The following KLF4 variants were observed in gnomAD, a reference collection of about 807,000 sequenced individuals.
KLF4 encodes KLF transcription factor 4.
Under a neutral mutation model 38.0 loss-of-function variants are expected in KLF4, and 14 were observed. That is an observed-to-expected ratio of 0.37 (90% CI 0.24 to 0.58). KLF4 has a LOEUF of 0.58. Among genes scored for constraint, KLF4 ranks in the 20% least tolerant of loss-of-function variants. KLF4 has a pLI of 0.76. For missense variants in KLF4, 737 were observed against 670.1 expected (o/e 1.10, Z -1.10); for synonymous variants, 398 against 302.5 (o/e 1.32, Z -3.28).
rs115734249 is a variant in KLF4, at chr9:107,485,787, C to T, written c.1404G>A (p.Ser468=). The change falls in exon 5 of 5, where the codon TCG becomes TCA. Residue 468 remains serine (S), a synonymous_variant. Transcript: ENST00000374672. This position sits in a 1 kb window ranked among gnomAD's most constrained non-coding sequence, Gnocchi z 4.9. ...TCTTCATGTGTAAGGCGAGGTGGTC[C>T]GACCTGGAAAATGCTCGGTCGCATT... The part of the protein sequence containing the change: ...CQKCDRAFSR[S]DHLALHMKRH... The T allele has an allele frequency of 4.1e-4, 654 of 1,581,724 alleles. 3 individuals are homozygous for T. The African/African-American group carries it at 7.6e-3, about 18-fold the overall frequency.
Position 107,488,004 on chromosome 9 carries a change from G to A in KLF4, c.390C>T (p.Ala130=). The A allele has an allele frequency of 6.2e-7, 1 of 1,603,364 alleles. No individual in the cohort carries two copies. ...TGCTCGACGGCGACGACGAAGAGGA[G>A]GCTGACGCTGACGAGGACACGGTGG... ...VAATVSSSAS[A]SSSSSPSSSG... The change falls in exon 3 of 5, where the codon GCC becomes GCT. Residue 130 remains alanine (A), a synonymous_variant. Transcript: ENST00000374672. This position sits in a 1 kb window ranked among gnomAD's most constrained non-coding sequence, Gnocchi z 5.7.
Position 107,487,691 on chromosome 9 carries a change from G to A in KLF4, c.703C>T (p.Leu235=). 1 of 1,606,044 alleles carries A rather than the reference G, an allele frequency of 6.2e-7. No individual in the cohort carries two copies. The highest frequency in any genetic ancestry group is 8.5e-7 in the Non-Finnish European group (1 of 1,178,402). Residue 235 remains leucine, a synonymous_variant, in exon 3 of 5, where the codon CTG becomes TTG. Transcript: ENST00000374672. This position sits in a 1 kb window ranked among gnomAD's most constrained non-coding sequence, Gnocchi z 6.1. ...LMGKFVLKAS[L]SAPGSEYGSP... ...CCGTACTCGCTGCCAGGGGCGCTCA[G>A]CGACGCCTTCAGCACGAACTTGCCC...
Position 107,488,209 on chromosome 9 carries a change from G to A in KLF4, c.185C>T (p.Pro62Leu). The A allele has an allele frequency of 6.2e-7, 1 of 1,611,714 alleles. No homozygotes were observed. The highest frequency in any genetic ancestry group is 8.5e-7 in the Non-Finnish European group (1 of 1,179,486). ...CACGGTCGCCGCCGCCAGGTCATAGGGGCGGCCGGGAAGCACTGGGGGAAG... is the reference window on the plus strand; with the variant it reads ...CACGGTCGCCGCCGCCAGGTCATAGAGGCGGCCGGGAAGCACTGGGGGAAG... Reference protein sequence around the residue: ...KRLPPVLPGRPYDLAAATVAT... With the variant: ...KRLPPVLPGRLYDLAAATVAT... The change falls in exon 3 of 5, where the codon CCC becomes CTC. Residue 62 changes from proline (P) to leucine (L), a missense_variant. Physicochemically the swap from Pro to Leu is moderately conservative, Grantham distance 98. This residue lies in a region of KLF4 where 695 missense variants were observed against 554.5 expected (regional missense o/e 1.25). Coordinates refer to ENST00000374672, the MANE Select transcript of KLF4 (RefSeq NM_004235.6). This position sits in a 1 kb window ranked among gnomAD's most constrained non-coding sequence, Gnocchi z 5.7.
chr9:107,486,320 GA>G (rs1829062267), intron 4 of KLF4, among the ~76,000 whole-genome samples: 1 of 151,640 alleles, frequency 6.6e-6, no homozygotes, highest in Non-Finnish European at 1.5e-5. Context: ...TACGACTGGG[GA>G]TAAAAAGCCA....
Position 107,485,940 on chromosome 9 carries a change from AG to A in KLF4, c.1265-15del. 1 of 1,595,390 alleles carries A rather than the reference AG, an allele frequency of 6.3e-7. No individual in the cohort carries two copies. The highest frequency in any genetic ancestry group is 1.1e-5 in the South Asian group (1 of 86,962). On this transcript the variant is annotated splice_polypyrimidine_tract_variant and intron_variant, in intron 4 of 4. Transcript: ENST00000374672. The surrounding 1 kb of genome is among the most constrained non-coding windows in gnomAD (Gnocchi z 4.9). ...AAGGTTTCTCACCTGTAAAGGTAAAAGAAAAAAAAAATTGACGCTATTGCTA... is the reference window on the plus strand; with the variant it reads ...AAGGTTTCTCACCTGTAAAGGTAAAAAAAAAAAAAATTGACGCTATTGCTA...
In KLF4 at chr9:107,487,201, G is replaced by A. The variant is rs774008376; in HGVS notation, c.1100-9C>T. ...ACCGGGTGGCATGAGCTCTAGGGGTGAAGAAGGTGGGGTGAGCATCATCCC... is the reference window on the plus strand; with the variant it reads ...ACCGGGTGGCATGAGCTCTAGGGGTAAAGAAGGTGGGGTGAGCATCATCCC... On this transcript the variant is annotated splice_polypyrimidine_tract_variant and intron_variant, in intron 3 of 4. Transcript: ENST00000374672. This position sits in a 1 kb window ranked among gnomAD's most constrained non-coding sequence, Gnocchi z 6.1. 4.3e-6 allele frequency: 7 copies of A among 1,613,520 alleles called. No individual in the cohort carries two copies. In the African/African-American group the frequency reaches 6.7e-5, roughly 15 times the overall value.
In KLF4 at chr9:107,487,307, G is replaced by A; in HGVS notation, c.1087C>T (p.Leu363Phe). The change falls in exon 3 of 5, where the codon CTC becomes TTC. Residue 363 changes from leucine (L) to phenylalanine (F), a missense_variant. Physicochemically the swap from Leu to Phe is conservative, Grantham distance 22. Transcript: ENST00000374672. This position sits in a 1 kb window ranked among gnomAD's most constrained non-coding sequence, Gnocchi z 6.1. ...CCCCGGGACTGACCTTGGTAATGGA[G>A]CGGCGGGACTTGCGGCTGCATCTGA... ...PDQMQPQVPP[L>F]HYQELMPPGS... 1 of 1,578,668 alleles carries A rather than the reference G, an allele frequency of 6.3e-7. No homozygotes were observed. Among genetic ancestry groups the A allele is most frequent in the Non-Finnish European group, 8.6e-7 (1 of 1,161,778 alleles).
In KLF4 at chr9:107,488,622, G is replaced by T. The variant is rs563231177; in HGVS notation, c.126+308C>A. ...CCGCCTACGCGCTAAACTCACTCTG[G>T]CCCAGCCAGTGTCTGGGGACGCGGC... On this transcript the variant is annotated intron_variant, in intron 2 of 4. Transcript: ENST00000374672. This position sits in a 1 kb window ranked among gnomAD's most constrained non-coding sequence, Gnocchi z 5.7. Among the ~76,000 whole-genome samples the T allele has an allele frequency of 6.6e-6, 1 of 152,148 alleles. No individual in the cohort carries two copies. Among genetic ancestry groups the T allele is most frequent in the Non-Finnish European group, 1.5e-5 (1 of 68,018 alleles).
Position 107,488,285 on chromosome 9 carries a change from G to A in KLF4, c.127-18C>T, listed in dbSNP as rs763424837. The A allele has an allele frequency of 3.2e-6, 5 of 1,575,694 alleles. No individual in the cohort carries two copies. Among genetic ancestry groups the A allele is most frequent in the South Asian group, 1.1e-5 (1 of 87,720 alleles). On this transcript the variant is annotated intron_variant, in intron 2 of 4. Coordinates refer to ENST00000374672, the MANE Select transcript of KLF4 (RefSeq NM_004235.6). This position sits in a 1 kb window ranked among gnomAD's most constrained non-coding sequence, Gnocchi z 5.7. ...CGCCAGCGCTGCGGGGACAGGGCGG[G>A]AGAGACCTGTCAGTGGTGGTCCCCT...
In KLF4 at chr9:107,487,441, G is replaced by T; in HGVS notation, c.953C>A (p.Thr318Asn). The T allele has an allele frequency of 6.6e-7, 1 of 1,524,218 alleles. No individual in the cohort carries two copies. Among genetic ancestry groups the T allele is most frequent in the Non-Finnish European group, 8.8e-7 (1 of 1,138,012 alleles). The allele number at this position is 1,524,218 out of a possible 1,614,324, so 94.4% of individuals were successfully genotyped here. A position where few individuals can be genotyped will look rare whatever the true frequency, so the allele number is the denominator to read the frequency against. Residue 318 changes from threonine (T) to asparagine (N), a missense_variant, in exon 3 of 5, where the codon ACC becomes AAC. Thr to Asn is a moderately conservative substitution (Grantham distance 65). Coordinates refer to ENST00000374672, the MANE Select transcript of KLF4 (RefSeq NM_004235.6). This position sits in a 1 kb window ranked among gnomAD's most constrained non-coding sequence, Gnocchi z 6.1. ...GCTCAGCACTTCCTCAAGACCCAGGGTCGGGGTAGTCCTGCTGGGGAGCTG... is the reference window on the plus strand; with the variant it reads ...GCTCAGCACTTCCTCAAGACCCAGGTTCGGGGTAGTCCTGCTGGGGAGCTG... ...GRQLPSRTTPTLGLEEVLSSR... is the reference protein window; with the variant it reads ...GRQLPSRTTPNLGLEEVLSSR...
At position 107,487,573 on chromosome 9, in the gene KLF4, C is replaced by T. The variant is rs758232150; in HGVS notation, c.821G>A (p.Cys274Tyr). The T allele has an allele frequency of 5.1e-6, 8 of 1,580,044 alleles. No homozygotes were observed. The Admixed American group carries it at 5.2e-5, about 10-fold the overall frequency. The change falls in exon 3 of 5, where the codon TGC becomes TAC. Residue 274 changes from cysteine to tyrosine, a missense_variant. This residue lies in a region of KLF4 where 695 missense variants were observed against 554.5 expected (regional missense o/e 1.25). Transcript: ENST00000374672. This position sits in a 1 kb window ranked among gnomAD's most constrained non-coding sequence, Gnocchi z 6.1. ...GACCGCCTCCTGCTTGATCTTGGGG[C>T]ACGTGCGCGGCGGCCCGCCGTTGTA... is the stretch of plus-strand genomic sequence containing the variant. ...APYNGGPPRT[C>Y]PKIKQEAVSS...
Position 107,487,464 on chromosome 9 carries a change from C to G in KLF4, c.930G>C (p.Gln310His), listed in dbSNP as rs751967300. 1.3e-6 allele frequency: 2 copies of G among 1,535,772 alleles called. No homozygotes were observed. Among genetic ancestry groups the G allele is most frequent in the Non-Finnish European group, 8.7e-7 (1 of 1,143,350 alleles). ...PAAHDFPLGR[Q>H]LPSRTTPTLG... ...GGGTCGGGGTAGTCCTGCTGGGGAG[C>G]TGCCGCCCCAGGGGGAAGTCGTGTG... is the stretch of plus-strand genomic sequence containing the variant. Residue 310 changes from glutamine to histidine, a missense_variant, in exon 3 of 5, where the codon CAG becomes CAC. By Grantham distance (24) the Gln-to-His change is conservative. Transcript: ENST00000374672. This position sits in a 1 kb window ranked among gnomAD's most constrained non-coding sequence, Gnocchi z 6.1.
Position 107,489,338 on chromosome 9 carries a change from C to T in KLF4, c.-166G>A. 3.1e-6 allele frequency: 3 copies of T among 954,280 alleles called. No homozygotes were observed. The South Asian group carries it at 6.5e-5, about 21-fold the overall frequency. 59.1% of individuals were successfully genotyped at this position (954,280 alleles called of 1,614,324 possible). ...TTGGAAGCGTCTTTTTTAAAAAGTT[C>T]CTTTGTATACAAAAGTTCTTAGAAA... On this transcript the variant is annotated 5_prime_UTR_variant, in exon 1 of 5. Coordinates refer to ENST00000374672, the MANE Select transcript of KLF4 (RefSeq NM_004235.6).
rs1429045118 is a variant in KLF4, at chr9:107,489,572, C to G, written c.-400G>C. The G allele has an allele frequency of 1.6e-5, 3 of 183,434 alleles. No individual in the cohort carries two copies. The highest frequency in any genetic ancestry group is 7.4e-5 in the African/African-American group (3 of 40,732). 11.4% of individuals were successfully genotyped at this position (183,434 alleles called of 1,614,324 possible). A position where few individuals can be genotyped will look rare whatever the true frequency, so the allele number is the denominator to read the frequency against. Reference sequence around the variant, plus strand: ...TGGCGCGGAGCTGCGAACTGGTCGGCGGCGCAAGGCGCGGACTCCGGTGAG... The same window carrying G: ...TGGCGCGGAGCTGCGAACTGGTCGGGGGCGCAAGGCGCGGACTCCGGTGAG... On this transcript the variant is annotated 5_prime_UTR_variant, in exon 1 of 5. Transcript: ENST00000374672.
In KLF4 at chr9:107,487,349, G is replaced by C. The variant is rs762685918; in HGVS notation, c.1045C>G (p.Pro349Ala). The change falls in exon 3 of 5, where the codon CCA (proline) becomes GCA (alanine). Residue 349 changes from proline (P) to alanine (A), a missense_variant. Physicochemically the swap from Pro to Ala is conservative, Grantham distance 27. Transcript: ENST00000374672. This position sits in a 1 kb window ranked among gnomAD's most constrained non-coding sequence, Gnocchi z 6.1. Reference sequence around the variant, plus strand: ...TGCATCTGATCGGGCAGGAAGGATGGGTAATTGGGCCCCGGGTGGGGATGG... The same window carrying C: ...TGCATCTGATCGGGCAGGAAGGATGCGTAATTGGGCCCCGGGTGGGGATGG... ...GFHPHPGPNY[P>A]SFLPDQMQPQ... is the part of the protein sequence containing the mutation. 4.5e-6 allele frequency: 7 copies of C among 1,550,638 alleles called. No homozygotes were observed. The South Asian group carries it at 8.8e-5, about 19-fold the overall frequency.
In KLF4 at chr9:107,487,443, C is replaced by G; in HGVS notation, c.951G>C (p.Pro317=). 1 of 1,523,868 alleles carries G rather than the reference C, an allele frequency of 6.6e-7. No homozygotes were observed. 94.4% of individuals were successfully genotyped at this position (1,523,868 alleles called of 1,614,324 possible). A position where few individuals can be genotyped will look rare whatever the true frequency, so the allele number is the denominator to read the frequency against. ...TCAGCACTTCCTCAAGACCCAGGGT[C>G]GGGGTAGTCCTGCTGGGGAGCTGCC... ...LGRQLPSRTT[P]TLGLEEVLSS... The change falls in exon 3 of 5, where the codon CCG becomes CCC. Residue 317 remains proline, a synonymous_variant. Transcript: ENST00000374672. This position sits in a 1 kb window ranked among gnomAD's most constrained non-coding sequence, Gnocchi z 6.1.
rs760599521 is a variant in KLF4, at chr9:107,487,936, G to A, written c.458C>T (p.Pro153Leu). The change falls in exon 3 of 5, where the codon CCG becomes CTG. Residue 153 changes from proline to leucine, a missense_variant. Transcript: ENST00000374672. The surrounding 1 kb of genome is among the most constrained non-coding windows in gnomAD (Gnocchi z 6.1). ...GCCCGGGTCGTTCCCGGCCCGGATC[G>A]GATAGGTGAAGCTGCAGGTGGAGGG... is the stretch of plus-strand genomic sequence containing the variant. ...SAPSTCSFTYPIRAGNDPGVA... is the reference protein window; with the variant it reads ...SAPSTCSFTYLIRAGNDPGVA... 2 of 1,581,332 alleles carry A rather than the reference G, an allele frequency of 1.3e-6. No homozygotes were observed.
chr9:107,486,665 C>T (rs1288575585), intron 4 of KLF4, among the ~76,000 whole-genome samples: 1 of 152,064 alleles, frequency 6.6e-6, no homozygotes, highest in African/African-American at 2.4e-5. Flanking sequence ...AGCCATCATG[C>T]TTTTGCATAG....
Position 107,487,507 on chromosome 9 carries a change from T to C in KLF4, c.887A>G (p.Asn296Ser). The change falls in exon 3 of 5, where the codon AAT (asparagine) becomes AGT (serine). Residue 296 changes from asparagine to serine, a missense_variant. This residue lies in a region of KLF4 where 695 missense variants were observed against 554.5 expected (regional missense o/e 1.25). Transcript: ENST00000374672. This position sits in a 1 kb window ranked among gnomAD's most constrained non-coding sequence, Gnocchi z 6.1. ...GTCGTGTGCAGCCGGCCGGTGGCCATTGCTGAGAGGGGGTCCAGCGCCCAA... is the reference window on the plus strand; with the variant it reads ...GTCGTGTGCAGCCGGCCGGTGGCCACTGCTGAGAGGGGGTCCAGCGCCCAA... ...THLGAGPPLS[N>S]GHRPAAHDFP... 6.5e-6 allele frequency: 10 copies of C among 1,545,150 alleles called. No individual in the cohort carries two copies. Among genetic ancestry groups the C allele is most frequent in the Non-Finnish European group, 8.7e-6 (10 of 1,147,464 alleles).
Sources: gnomAD v4.1 joint callset for allele counts (sites outside exome capture counted in the v4.1 genomes callset) on GRCh38, gnomAD v4.1.1 for gene constraint, gnomAD v4.1.1 regional missense constraint, Gnocchi (gnomAD v3.1) non-coding constraint, MANE v1.5 for transcripts, NCBI Gene and HGNC (gene_info 2026-07-23, HGNC 2026-07-21) for gene names.